FCRL1: variants seen among roughly 807,000 people sequenced by gnomAD.
FCRL1 encodes the protein Fc receptor-like protein 1.
FCRL1 carries 34 observed loss-of-function variants against 49.2 expected under a neutral mutation model. The ratio of observed to expected loss-of-function variants is 0.69; its 90% CI spans 0.53 to 0.92. The LOEUF (loss-of-function observed/expected upper bound fraction) is 0.92, where lower values mean the gene tolerates loss of function less well. Among genes scored for constraint, FCRL1 ranks in the 40% least tolerant of loss-of-function variants. The pLI, the probability that FCRL1 is intolerant of heterozygous loss-of-function variation, is 0.00. For missense variants in FCRL1, 524 were observed against 524.1 expected (o/e 1.00, Z 0.00); for synonymous variants, 218 against 201.6 (o/e 1.08, Z -0.69).
intron 7 of FCRL1, among the ~76,000 whole-genome samples, chr1:157,798,878 A>C (rs1031155754): frequency 6.6e-6 from 1 of 152,070 alleles, no homozygotes; most frequent in Middle Eastern, 3.2e-3. Context: ...ATACTTTAAA[A>C]CTCTCAAGAG....
At chr1:157,817,650 G>T (rs973556301) in intron 1 of FCRL1, among the ~76,000 whole-genome samples, 13 of 151,916 alleles carry the variant, frequency 8.6e-5, no homozygotes, top group South Asian at 2.1e-4. Flanking sequence ...AAAAGCAAAA[G>T]CAATAAAAGC....
chr1:157,815,500 T>A (rs1163106023), intron 1 of FCRL1, among the ~76,000 whole-genome samples: 1 of 151,560 alleles, frequency 6.6e-6, no homozygotes, highest in East Asian at 1.9e-4. Flanking sequence ...ACATCAAAAA[T>A]AGAAGAAAGA....
intron 1 of FCRL1, among the ~76,000 whole-genome samples, chr1:157,812,420 A>C (rs1654454191): frequency 1.3e-5 from 2 of 152,166 alleles, no homozygotes; most frequent in Admixed American, 6.5e-5. Context: ...CAGGGTCCAG[A>C]GTCACCAGTA....
chr1:157,813,177 G>C (rs565096890), intron 1 of FCRL1, among the ~76,000 whole-genome samples: 1 of 152,218 alleles, frequency 6.6e-6, no homozygotes, highest in South Asian at 2.1e-4. Context: ...ATGCACAAAT[G>C]GTAAAGCAGG....
chr1:157,811,964 T>A (rs947770018), intron 1 of FCRL1, among the ~76,000 whole-genome samples: 3 of 152,174 alleles, frequency 2.0e-5, no homozygotes, highest in African/African-American at 7.2e-5. Context: ...AGGAACAGGC[T>A]GTCCTGCCCA....
rs1227388454 is a variant in FCRL1 at position 157,798,098 on chromosome 1, T to A, written c.1114+63A>T. ...AGTCAGGTTTGGCTAGCAGATGTTA[T>A]CCCATTGTCCCTTCCCTAGCTTGCT... On this transcript the variant is annotated intron_variant, in intron 8 of 10. Coordinates refer to ENST00000368176, the MANE Select transcript of FCRL1 (RefSeq NM_052938.5). 3.5e-5 allele frequency: 54 copies of A among 1,548,906 alleles called. No individual in the cohort carries two copies. The East Asian group carries it at 1.1e-3, about 31-fold the overall frequency.
intron 1 of FCRL1, among the ~76,000 whole-genome samples, chr1:157,809,539 C>A (rs773634345): frequency 2.4e-4 from 37 of 152,224 alleles, no homozygotes; most frequent in Non-Finnish European, 4.6e-4. Flanking sequence ...TCCTCCACCT[C>A]TCGGGTTCAA....
chr1:157,806,083 A>G (rs186520869), intron 2 of FCRL1, among the ~76,000 whole-genome samples: 1 of 152,290 alleles, frequency 6.6e-6, no homozygotes, highest in Admixed American at 6.5e-5. Flanking sequence ...GGTGACAGAA[A>G]CTTGGTTTCT....
At position 157,794,751 on chromosome 1, in the gene FCRL1, A is replaced by AT. The variant is rs892020943; in HGVS notation, c.*1347dup. On this transcript the variant is annotated 3_prime_UTR_variant, in exon 11 of 11. Transcript: ENST00000368176. Reference sequence around the variant, plus strand: ...TTATGATAGTACTTAATGCCACTGAATTGTACACTTAAAAATGGTTAAAAT... The same window carrying AT: ...TTATGATAGTACTTAATGCCACTGAATTTGTACACTTAAAAATGGTTAAAAT... The AT allele has an allele frequency of 2.6e-5, 4 of 152,182 alleles. No homozygotes were observed. Among genetic ancestry groups the AT allele is most frequent in the Non-Finnish European group, 4.4e-5 (3 of 68,020 alleles). The allele number at this position is 152,182 out of a possible 1,614,324, so 9.4% of individuals were successfully genotyped here. A position where few individuals can be genotyped will look rare whatever the true frequency, so the allele number is the denominator to read the frequency against.
chr1:157,794,806 CAAT>C lies in FCRL1; in HGVS notation c.*1290_*1292del, dbSNP rs1172642484. On this transcript the variant is annotated 3_prime_UTR_variant, in exon 11 of 11. Transcript: ENST00000368176. ...AATTTTATGTTGTGCATATTTACTA[CAAT>C]AAAAAAAGAAAAAAGTTATGATTTA... The C allele has an allele frequency of 2.0e-5, 3 of 151,534 alleles. No homozygotes were observed. The highest frequency in any genetic ancestry group is 4.9e-5 in the African/African-American group (2 of 41,208). The allele number at this position is 151,534 out of a possible 1,614,324, so 9.4% of individuals were successfully genotyped here.
At chr1:157,813,548 A>C (rs1373131513) in intron 1 of FCRL1, among the ~76,000 whole-genome samples, 3 of 152,234 alleles carry the variant, frequency 2.0e-5, no homozygotes, top group Non-Finnish European at 2.9e-5. Context: ...CAGTTAGCTG[A>C]GGAAAATTTT....
At chr1:157,796,398 G>A (rs1317028202) in intron 10 of FCRL1, among the ~76,000 whole-genome samples, 1 of 152,216 alleles carries the variant, frequency 6.6e-6, no homozygotes, top group African/African-American at 2.4e-5. Context: ...CAAACATACA[G>A]TGCCTTCGCT....
At chr1:157,799,351 T>C (rs1172237882) in intron 7 of FCRL1, among the ~76,000 whole-genome samples, 2 of 152,176 alleles carry the variant, frequency 1.3e-5, no homozygotes, top group Admixed American at 6.5e-5. Flanking sequence ...TTTCACAATA[T>C]TGATTCTTCC....
intron 6 of FCRL1, 75 bp from the exon 7 acceptor site, chr1:157,800,160 C>T: frequency 6.9e-7 from 1 of 1,453,634 alleles, no homozygotes; most frequent in Non-Finnish European, 9.6e-7. Flanking sequence ...TTTTCATACC[C>T]CCTGCACAGG....
chr1:157,805,866 A>G (rs771652870), intron 2 of FCRL1, among the ~76,000 whole-genome samples: 3 of 152,226 alleles, frequency 2.0e-5, no homozygotes, highest in Non-Finnish European at 4.4e-5. Context: ...ACTGCACTCC[A>G]GCCTGGGCAA....
chr1:157,804,454 G>A (rs1006623771), intron 2 of FCRL1, among the ~76,000 whole-genome samples: 4 of 152,028 alleles, frequency 2.6e-5, no homozygotes, highest in Admixed American at 1.3e-4. Flanking sequence ...TACTGGAGTC[G>A]GCATTGGAGA....
At chr1:157,813,410 A>G (rs1278270628) in intron 1 of FCRL1, among the ~76,000 whole-genome samples, 1 of 152,254 alleles carries the variant, frequency 6.6e-6, no homozygotes, top group African/African-American at 2.4e-5. Context: ...CATGAAAATA[A>G]TCCAAACAGA....
At chr1:157,804,255 C>A (rs945035787) in intron 2 of FCRL1, 144 bp from the exon 3 acceptor site, 73 of 934,560 alleles carry the variant, frequency 7.8e-5, no homozygotes, top group Middle Eastern at 3.5e-4. Context: ...CACCCCCCCC[C>A]CAGTGGCCCA....
At position 157,798,190 on chromosome 1, in the gene FCRL1, G is replaced by T; in HGVS notation, c.1085C>A (p.Pro362Gln). Residue 362 changes from proline to glutamine, a missense_variant, in exon 8 of 11, where the codon CCA (proline) becomes CAA (glutamine). Physicochemically the swap from Pro to Gln is moderately conservative, Grantham distance 76. Transcript: ENST00000368176. Reference protein sequence around the residue: ...QEFTYLNSPTPGQLQPIYENV... With the variant: ...QEFTYLNSPTQGQLQPIYENV... ...TTCATATATAGGCTGTAGCTGCCCT[G>T]GGGTAGGTGAGTTGAGGTAGGTGAA... 6.2e-7 allele frequency: 1 copy of T among 1,613,294 alleles called. No individual in the cohort carries two copies. Among genetic ancestry groups the T allele is most frequent in the Non-Finnish European group, 8.5e-7 (1 of 1,179,584 alleles).
Sources: gnomAD v4.1 joint callset for allele counts (sites outside exome capture counted in the v4.1 genomes callset) on GRCh38, gnomAD v4.1.1 for gene constraint, MANE v1.5 for transcripts, NCBI Gene and HGNC (gene_info 2026-07-23, HGNC 2026-07-21) for gene names.